ATP9B: variants seen among roughly 807,000 people sequenced by gnomAD.
ATP9B encodes probable phospholipid-transporting ATPase IIB.
ATP9B carries 110 observed loss-of-function variants against 146.1 expected under a neutral mutation model. That is an observed-to-expected ratio of 0.75 (90% CI 0.65 to 0.88). ATP9B has a LOEUF of 0.88. Ranked by LOEUF, ATP9B falls within the 40% of genes least tolerant of loss-of-function variation. The pLI is 0.00. For missense variants in ATP9B, 1,499 were observed against 1,496.4 expected (o/e 1.00, Z -0.03); for synonymous variants, 604 against 569.7 (o/e 1.06, Z -0.86).
chr18:79,175,399 T>C (rs2095148809), intron 7 of ATP9B, among the ~76,000 whole-genome samples: 1 of 152,194 alleles, frequency 6.6e-6, no homozygotes, highest in Non-Finnish European at 1.5e-5. Context: ...GTATAAGATA[T>C]ATTCAAAAGG....
At chr18:79,172,582 GACCTTGCGA>G (rs1431800923) in intron 7 of ATP9B, among the ~76,000 whole-genome samples, 1 of 138,124 alleles carries the variant, frequency 7.2e-6, no homozygotes, top group African/African-American at 2.6e-5. Flanking sequence ...ACCGTGCGCC[GACCTTGCGA>G]TCCGCCTTGG....
At chr18:79,103,690 C>T (rs574118880) in intron 2 of ATP9B, among the ~76,000 whole-genome samples, 1 of 151,994 alleles carries the variant, frequency 6.6e-6, no homozygotes, top group Non-Finnish European at 1.5e-5. Context: ...AATTTGGTCA[C>T]GCTTTGGTAG....
intron 15 of ATP9B, among the ~76,000 whole-genome samples, chr18:79,316,202 T>C (rs1338247623): frequency 6.6e-6 from 1 of 152,122 alleles, no homozygotes; most frequent in Non-Finnish European, 1.5e-5. Context: ...ATTAGAGAGC[T>C]CCTGACTGAG....
chr18:79,210,311 C>T (rs780780544), intron 10 of ATP9B, among the ~76,000 whole-genome samples: 1 of 152,216 alleles, frequency 6.6e-6, no homozygotes, highest in Non-Finnish European at 1.5e-5. Flanking sequence ...GCAAGGTTGA[C>T]AAAAGTGTGA....
chr18:79,314,028 C>T (rs2096666366), intron 15 of ATP9B, among the ~76,000 whole-genome samples: 1 of 152,166 alleles, frequency 6.6e-6, no homozygotes, highest in Admixed American at 6.5e-5. Context: ...TAGTGTTTCC[C>T]GATCACCAAA....
chr18:79,343,684 G>A (rs1255468951), intron 20 of ATP9B: 1 of 154,290 alleles, frequency 6.5e-6, no homozygotes, highest in African/African-American at 2.4e-5. Context: ...CCCGATGTGT[G>A]GCGATGATGT....
At chr18:79,213,398 G>A (rs191716440) in intron 10 of ATP9B, among the ~76,000 whole-genome samples, 265 of 152,046 alleles carry the variant, frequency 1.7e-3, no homozygotes, top group Non-Finnish European at 3.1e-3. Context: ...TCTTTTTGAC[G>A]TGTAAAAGAG....
intron 1 of ATP9B, among the ~76,000 whole-genome samples, chr18:79,091,035 G>A: frequency 6.6e-6 from 1 of 152,130 alleles, no homozygotes; most frequent in East Asian, 1.9e-4. Flanking sequence ...TTATTGAAAA[G>A]ACTGTCTTTT....
Position 79,145,515 on chromosome 18 carries a change from C to T in ATP9B, c.726+1655C>T, listed in dbSNP as rs1340168477. On this transcript the variant is annotated intron_variant, in intron 6 of 29. Coordinates refer to ENST00000426216, the MANE Select transcript of ATP9B (RefSeq NM_198531.5). ...GCAGGCTGCATGTCGGGGGAGCTGG[C>T]GGTGTGCAGAGTGACTGAAGGTGCA... 7.1e-5 allele frequency: 6 copies of T among 84,544 alleles called. No individual in the cohort carries two copies. In the South Asian group the frequency reaches 7.2e-4, roughly 10 times the overall value. 5.2% of individuals were successfully genotyped at this position (84,544 alleles called of 1,614,324 possible).
At chr18:79,296,007 G>T (rs1020229412) in intron 13 of ATP9B, among the ~76,000 whole-genome samples, 4 of 152,118 alleles carry the variant, frequency 2.6e-5, no homozygotes, top group Admixed American at 1.3e-4. Context: ...TTGAGACAGG[G>T]TCTTGCTCTG....
intron 10 of ATP9B, among the ~76,000 whole-genome samples, chr18:79,212,950 G>C (rs2095597371): frequency 6.6e-6 from 1 of 152,014 alleles, no homozygotes; most frequent in African/African-American, 2.4e-5. Flanking sequence ...CACCTTCCTA[G>C]ATTTTCTAGA....
At position 79,309,829 on chromosome 18, in the gene ATP9B, A is replaced by T. The variant is rs376722130; in HGVS notation, c.1773+2595A>T. Among the ~76,000 whole-genome samples, 132 of 152,340 alleles carry T rather than the reference A, an allele frequency of 8.7e-4. 1 individual carries two copies. In the South Asian group the frequency reaches 0.012, roughly 14 times the overall value. ...AAATGGGTGAATAGTGTCTCCATAAAGCTATTTAAACAAAAGAAGATGCAA... is the reference window on the plus strand; with the variant it reads ...AAATGGGTGAATAGTGTCTCCATAATGCTATTTAAACAAAAGAAGATGCAA... On this transcript the variant is annotated intron_variant, in intron 15 of 29. Transcript: ENST00000426216.
chr18:79,223,708 A>G (rs1440008568), intron 11 of ATP9B, among the ~76,000 whole-genome samples: 4 of 152,194 alleles, frequency 2.6e-5, no homozygotes, highest in Non-Finnish European at 5.9e-5. Context: ...CATACCCGGC[A>G]CACTTTGATA....
rs111326430 is a variant in ATP9B at position 79,173,432 on chromosome 18, G to GTT, written c.779-3370_779-3369dup. Among the ~76,000 whole-genome samples the GTT allele has an allele frequency of 5.2e-3, 725 of 140,388 alleles. 3 individuals are homozygous for GTT. The highest frequency in any genetic ancestry group is 0.013 in the African/African-American group (514 of 38,690). 92.1% of individuals were successfully genotyped at this position (140,388 alleles called of 152,430 possible). ...GCCCTGAGGATTTCTTCTTGTGGTG[G>GTT]TTTTTTTTTTTTGTCCTAAAAGTTT... On this transcript the variant is annotated intron_variant, in intron 7 of 29. Coordinates refer to ENST00000426216, the MANE Select transcript of ATP9B (RefSeq NM_198531.5).
intron 25 of ATP9B, 64 bp downstream of exon 25, chr18:79,348,260 A>G: frequency 7.4e-7 from 1 of 1,346,350 alleles, no homozygotes. Context: ...AAAAAAAAAA[A>G]AAAAAAAAAC....
At chr18:79,253,624 A>AT in intron 12 of ATP9B, 83 bp downstream of exon 12, 1 of 1,379,698 alleles carries the variant, frequency 7.2e-7, no homozygotes, top group Non-Finnish European at 9.7e-7. Context: ...AGTATGAAAG[A>AT]AATTACCCAA....
At chr18:79,086,084 A>G (rs1254358769) in intron 1 of ATP9B, 1 of 151,928 alleles carries the variant, frequency 6.6e-6, no homozygotes, top group Non-Finnish European at 1.5e-5. Flanking sequence ...CTAATTGTCC[A>G]GTCCCAGGAT....
chr18:79,331,822 G>A (rs1039508599), intron 17 of ATP9B, among the ~76,000 whole-genome samples: 1 of 152,146 alleles, frequency 6.6e-6, no homozygotes. Flanking sequence ...GTGATGTTCC[G>A]GATAGCTGGA....
At chr18:79,322,850 C>T (rs576177174) in intron 15 of ATP9B, among the ~76,000 whole-genome samples, 151 of 152,288 alleles carry the variant, frequency 9.9e-4, no homozygotes, top group Middle Eastern at 6.8e-3. Flanking sequence ...CAACATGCAG[C>T]AAAGTTAAAT....
Sources: gnomAD v4.1 joint callset for allele counts (sites outside exome capture counted in the v4.1 genomes callset) on GRCh38, gnomAD v4.1.1 for gene constraint, MANE v1.5 for transcripts, NCBI Gene and HGNC (gene_info 2026-07-23, HGNC 2026-07-21) for gene names.